The following CDH8 variants were observed in gnomAD, a reference collection of about 807,000 sequenced individuals.
The protein encoded by CDH8 is cadherin-8.
In CDH8, 17 loss-of-function variants were observed where a neutral mutation model predicts 68.1. That is an observed-to-expected ratio of 0.25 (90% confidence interval 0.17 to 0.37). The LOEUF (loss-of-function observed/expected upper bound fraction) is 0.37, where lower values mean the gene tolerates loss of function less well. Among genes scored for constraint, CDH8 ranks in the 10% least tolerant of loss-of-function variants. The pLI, the probability that CDH8 is intolerant of heterozygous loss-of-function variation, is 1.00. For missense variants in CDH8, 763 were observed against 999.3 expected (o/e 0.76, Z 3.19); for synonymous variants, 372 against 365.1 (o/e 1.02, Z -0.21).
At chr16:61,749,800 C>A (rs1960112387) in intron 8 of CDH8, among the ~76,000 whole-genome samples, 1 of 152,088 alleles carries the variant, frequency 6.6e-6, no homozygotes, top group Non-Finnish European at 1.5e-5. Flanking sequence ...TCCATAAACA[C>A]ACCTTTCTCC....
chr16:61,908,560 T>A (rs998902639), intron 2 of CDH8, among the ~76,000 whole-genome samples: 3 of 152,180 alleles, frequency 2.0e-5, no homozygotes, highest in Admixed American at 6.5e-5. Flanking sequence ...TCACAATGAA[T>A]GTTACCAAAT....
chr16:61,745,387 T>A (rs1406886801), intron 8 of CDH8, among the ~76,000 whole-genome samples: 1 of 151,978 alleles, frequency 6.6e-6, no homozygotes, highest in East Asian at 1.9e-4. Context: ...TGAATCTATA[T>A]CTTGATGTCT....
intron 3 of CDH8, among the ~76,000 whole-genome samples, chr16:61,891,185 A>T (rs1214490305): frequency 6.6e-6 from 1 of 152,144 alleles, no homozygotes; most frequent in East Asian, 1.9e-4. Context: ...TTGGCAGCCC[A>T]TACAGGGCAA....
intron 2 of CDH8, among the ~76,000 whole-genome samples, chr16:62,020,286 A>G (rs1902039905): frequency 6.6e-6 from 1 of 152,184 alleles, no homozygotes; most frequent in Non-Finnish European, 1.5e-5. Context: ...AGTCATTGGC[A>G]GGCTCATAAT....
chr16:61,912,379 T>C (rs1964176660), intron 2 of CDH8, among the ~76,000 whole-genome samples: 1 of 152,156 alleles, frequency 6.6e-6, no homozygotes, highest in Non-Finnish European at 1.5e-5. Context: ...CTGTCTCATT[T>C]AAAGCTTTGG....
rs1964259872 is a variant in CDH8 at position 61,692,967 on chromosome 16, A to G, written c.1654+20874T>C. 4 of 152,310 alleles carry G rather than the reference A, an allele frequency of 2.6e-5. No individual in the cohort carries two copies. The South Asian group carries it at 8.3e-4, about 32-fold the overall frequency. The allele number at this position is 152,310 out of a possible 1,614,324, so 9.4% of individuals were successfully genotyped here. On this transcript the variant is annotated intron_variant, in intron 10 of 11. Coordinates refer to ENST00000577390, the MANE Select transcript of CDH8 (RefSeq NM_001796.5). Reference sequence around the variant, plus strand: ...CAAAACAATTGGTAAAGTGCCTACGATAACATGACAAATTAATTTAAAAAA... The same window carrying G: ...CAAAACAATTGGTAAAGTGCCTACGGTAACATGACAAATTAATTTAAAAAA...
Position 61,919,400 on chromosome 16 carries a change from G to A in CDH8, c.253-17927C>T, listed in dbSNP as rs1417319736. On this transcript the variant is annotated intron_variant, in intron 2 of 11. Coordinates refer to ENST00000577390, the MANE Select transcript of CDH8 (RefSeq NM_001796.5). ...GGAGGACATTCAAACCAAAGGCAAAGAAGTTGGAAACTTTGAAAAAAATTT... is the reference window on the plus strand; with the variant it reads ...GGAGGACATTCAAACCAAAGGCAAAAAAGTTGGAAACTTTGAAAAAAATTT... 1.4e-5 allele frequency among the ~76,000 whole-genome samples: 2 copies of A among 147,084 alleles called. 1 individual carries two copies. Among genetic ancestry groups the A allele is most frequent in the East Asian group, 4.5e-4 (2 of 4,482 alleles).
chr16:61,871,343 C>A (rs1249994921), intron 3 of CDH8, among the ~76,000 whole-genome samples: 1 of 150,804 alleles, frequency 6.6e-6, no homozygotes, highest in Non-Finnish European at 1.5e-5. Flanking sequence ...CCCACCATGG[C>A]AGATTTTTTT....
intron 10 of CDH8, among the ~76,000 whole-genome samples, chr16:61,683,934 C>A (rs1227378393): frequency 6.6e-6 from 1 of 151,992 alleles, no homozygotes; most frequent in East Asian, 1.9e-4. Flanking sequence ...ACCTTCATCA[C>A]CCTAGAAGGA....
rs188470812 is a variant in CDH8, at chr16:61,766,279, T to C, written c.1414+23067A>G. ...AATTCCTGAGTTACTTCACTTAGAA[T>C]AATGGCCCCCAGTTCCATCCAAATT... On this transcript the variant is annotated intron_variant, in intron 8 of 11. Transcript: ENST00000577390. Among the ~76,000 whole-genome samples, 3 of 152,124 alleles carry C rather than the reference T, an allele frequency of 2.0e-5. No homozygotes were observed. The East Asian group carries it at 5.8e-4, about 29-fold the overall frequency.
At chr16:61,818,726 T>C (rs1159952163) in intron 6 of CDH8, among the ~76,000 whole-genome samples, 1 of 152,118 alleles carries the variant, frequency 6.6e-6, no homozygotes, top group Non-Finnish European at 1.5e-5. Flanking sequence ...TCTGTCGAGG[T>C]TCAAAGAGAC....
intron 2 of CDH8, among the ~76,000 whole-genome samples, chr16:61,988,149 T>C (rs943712819): frequency 6.6e-6 from 1 of 152,156 alleles, no homozygotes; most frequent in Admixed American, 6.5e-5. Flanking sequence ...AGCTGCACTT[T>C]CCTATCTATA....
intron 3 of CDH8, among the ~76,000 whole-genome samples, chr16:61,882,660 G>A (rs1963599714): frequency 6.6e-6 from 1 of 152,140 alleles, no homozygotes; most frequent in Admixed American, 6.5e-5. Flanking sequence ...TTATAAGTGG[G>A]AGCTAGATAA....
chr16:61,875,299 G>T (rs1180073047), intron 3 of CDH8, among the ~76,000 whole-genome samples: 5 of 152,072 alleles, frequency 3.3e-5, no homozygotes, highest in Non-Finnish European at 7.3e-5. Flanking sequence ...ACTCCATGTA[G>T]AGAAATAGAG....
At chr16:61,807,521 A>C (rs933474340) in intron 7 of CDH8, among the ~76,000 whole-genome samples, 1 of 151,990 alleles carries the variant, frequency 6.6e-6, no homozygotes, top group African/African-American at 2.4e-5. Flanking sequence ...AACAAACAAA[A>C]AATTCAGTAA....
chr16:61,784,782 C>T (rs1452160846), intron 8 of CDH8, among the ~76,000 whole-genome samples: 1 of 151,782 alleles, frequency 6.6e-6, no homozygotes, highest in Non-Finnish European at 1.5e-5. Context: ...GATTAAGAAT[C>T]TCACTCAAAG....
At chr16:61,695,381 G>A (rs1964306025) in intron 10 of CDH8, among the ~76,000 whole-genome samples, 3 of 152,080 alleles carry the variant, frequency 2.0e-5, no homozygotes, top group Admixed American at 1.3e-4. Context: ...TTGAAGATTG[G>A]GTAAATGGAA....
chr16:61,847,979 T>A (rs1168960751), intron 4 of CDH8, among the ~76,000 whole-genome samples: 3 of 152,048 alleles, frequency 2.0e-5, no homozygotes, highest in Admixed American at 6.6e-5. Context: ...TATTGGTTAA[T>A]CTTTGATGCT....
chr16:61,688,129 G>T (rs547848137), intron 10 of CDH8, among the ~76,000 whole-genome samples: 1 of 152,080 alleles, frequency 6.6e-6, no homozygotes, highest in African/African-American at 2.4e-5. Context: ...TGTACTTTTA[G>T]AGGGAGAAGG....
Sources: allele counts gnomAD v4.1 joint callset (sites outside exome capture counted in the v4.1 genomes callset), GRCh38; gene constraint gnomAD v4.1.1; transcripts MANE v1.5; gene names NCBI Gene and HGNC (gene_info 2026-07-23, HGNC 2026-07-21).